The following TNFRSF11A variants were observed in gnomAD, a reference collection of about 807,000 sequenced individuals.
The protein encoded by TNFRSF11A is tumor necrosis factor receptor superfamily member 11A.
In TNFRSF11A, 32 loss-of-function variants were observed where a neutral mutation model predicts 55.7. The ratio of observed to expected loss-of-function variants is 0.57; its 90% CI spans 0.43 to 0.77. The LOEUF is 0.77. Ranked by LOEUF, TNFRSF11A falls within the 30% of genes least tolerant of loss-of-function variation. The probability of loss-of-function intolerance (pLI) is 0.00; values close to 1 mark genes in which losing one functional copy is unlikely to be tolerated. For missense variants in TNFRSF11A, 753 were observed against 809.8 expected, an observed-to-expected ratio of 0.93 and a Z score of 0.85; for synonymous variants, 311 against 331.0, an observed-to-expected ratio of 0.94 and a Z score of 0.65.
chr18:62,329,321 T>C (rs2046117993), intron 1 of TNFRSF11A, among the ~76,000 whole-genome samples: 1 of 152,208 alleles, frequency 6.6e-6, no homozygotes, highest in African/African-American at 2.4e-5. Context: ...GACTGCTGTC[T>C]CCTCACAGCA....
chr18:62,383,250 C>T lies in TNFRSF11A; in HGVS notation c.1568-1501C>T, dbSNP rs1170676553. On this transcript the variant is annotated intron_variant, in intron 9 of 9. Coordinates refer to ENST00000586569, the MANE Select transcript of TNFRSF11A (RefSeq NM_003839.4). The surrounding 1 kb of genome is among the most constrained non-coding windows in gnomAD (Gnocchi z 4.2). ...GGATTTGTTGCTCATACTTGAAATC[C>T]TTGTGTCTTCATGGGCTTTTCCTTG... 2.0e-5 allele frequency among the ~76,000 whole-genome samples: 3 copies of T among 152,156 alleles called. No homozygotes were observed. The highest frequency in any genetic ancestry group is 4.8e-5 in the African/African-American group (2 of 41,442).
intron 9 of TNFRSF11A, among the ~76,000 whole-genome samples, chr18:62,375,650 G>C (rs562465744): frequency 3.9e-5 from 6 of 152,230 alleles, no homozygotes; most frequent in Admixed American, 3.9e-4. Flanking sequence ...AATTCTATGG[G>C]ACAAGTTCCT....
chr18:62,344,521 A>G (rs1483464651), intron 1 of TNFRSF11A, among the ~76,000 whole-genome samples: 1 of 152,224 alleles, frequency 6.6e-6, no homozygotes, highest in African/African-American at 2.4e-5. Flanking sequence ...CCTTAAGAAC[A>G]CTTAAGCAGG....
chr18:62,355,744 G>A (rs190399785), intron 4 of TNFRSF11A, among the ~76,000 whole-genome samples: 3 of 152,284 alleles, frequency 2.0e-5, no homozygotes, highest in Admixed American at 1.3e-4. Flanking sequence ...TCCATAATGA[G>A]TGGGATTGTT....
chr18:62,354,401 G>A lies in TNFRSF11A; in HGVS notation c.294G>A (p.Leu98=), dbSNP rs1259170356. Residue 98 remains leucine (L), a synonymous_variant, in exon 4 of 10, where the codon CTG becomes CTA. Coordinates refer to ENST00000586569, the MANE Select transcript of TNFRSF11A (RefSeq NM_003839.4). ...TCTTGTCTCCCGCAGGCAAGGCCCT[G>A]GTGGCCGTGGTCGCCGGCAACAGCA... The part of the protein sequence containing the change: ...LHKVCDTGKA[L]VAVVAGNSTT... 6.3e-7 allele frequency: 1 copy of A among 1,582,686 alleles called. No individual in the cohort carries two copies. The highest frequency in any genetic ancestry group is 2.3e-5 in the East Asian group (1 of 44,252).
intron 9 of TNFRSF11A, among the ~76,000 whole-genome samples, chr18:62,382,531 T>A (rs959491485): frequency 2.0e-5 from 3 of 152,242 alleles, no homozygotes; most frequent in Non-Finnish European, 4.4e-5. Flanking sequence ...TTATTTCCTT[T>A]TCCTATTCTT....
chr18:62,363,492 C>G (rs1408974959), intron 7 of TNFRSF11A, among the ~76,000 whole-genome samples: 1 of 151,298 alleles, frequency 6.6e-6, no homozygotes, highest in Non-Finnish European at 1.5e-5. Flanking sequence ...CCTCAGCCTC[C>G]TGAGTACCTG....
At chr18:62,380,797 A>C (rs1911226367) in intron 9 of TNFRSF11A, among the ~76,000 whole-genome samples, 1 of 146,524 alleles carries the variant, frequency 6.8e-6, no homozygotes, top group African/African-American at 2.5e-5. Flanking sequence ...CCTTCCAAAA[A>C]TAATATTCTT....
In TNFRSF11A at chr18:62,391,162, G is replaced by A. The variant is rs904726703; in HGVS notation, c.*6128G>A. On this transcript the variant is annotated 3_prime_UTR_variant, in exon 10 of 10. Coordinates refer to ENST00000586569, the MANE Select transcript of TNFRSF11A (RefSeq NM_003839.4). ...CACATAATGTCCTTGAGATCCATCG[G>A]TGGGTACACCAGTAGTTCCATTTTT... 1 of 152,224 alleles carries A rather than the reference G, an allele frequency of 6.6e-6. No homozygotes were observed. Among genetic ancestry groups the A allele is most frequent in the African/African-American group, 2.4e-5 (1 of 41,434 alleles). The allele number at this position is 152,224 out of a possible 1,614,324, so 9.4% of individuals were successfully genotyped here. A position where few individuals can be genotyped will look rare whatever the true frequency, so the allele number is the denominator to read the frequency against.
At chr18:62,371,763 C>T (rs753357864) in intron 9 of TNFRSF11A, among the ~76,000 whole-genome samples, 5 of 152,224 alleles carry the variant, frequency 3.3e-5, no homozygotes, top group Non-Finnish European at 5.9e-5. Context: ...ATAGTACTTT[C>T]TCATTCTTGC....
intron 4 of TNFRSF11A, among the ~76,000 whole-genome samples, chr18:62,356,727 G>T (rs1422563883): frequency 1.3e-5 from 2 of 152,188 alleles, no homozygotes; most frequent in Non-Finnish European, 2.9e-5. Flanking sequence ...CATCCCCAAT[G>T]TCCACTTGTC....
chr18:62,346,963 A>G (rs1358663761), intron 1 of TNFRSF11A, among the ~76,000 whole-genome samples: 1 of 152,080 alleles, frequency 6.6e-6, no homozygotes. Flanking sequence ...AACTGCTCAT[A>G]TTGTCCAAAG....
intron 9 of TNFRSF11A, among the ~76,000 whole-genome samples, chr18:62,375,113 G>A (rs189538252): frequency 6.5e-4 from 97 of 148,432 alleles, no homozygotes; most frequent in East Asian, 6.1e-3. Context: ...ACTGAGTTTC[G>A]TCATGCTGCC....
intron 9 of TNFRSF11A, among the ~76,000 whole-genome samples, chr18:62,371,965 T>C (rs1414199772): frequency 6.8e-6 from 1 of 146,892 alleles, no homozygotes; most frequent in Non-Finnish European, 1.5e-5. Flanking sequence ...GATTTTTTGT[T>C]TGTTTTTACT....
chr18:62,360,058 A>T lies in TNFRSF11A; in HGVS notation c.616+9A>T. Reference sequence around the variant, plus strand: ...TAGAAAACCACCAAATGGTATGTTTAAAAAGAGCCTGTTGGTTGATAGATG... The same window carrying T: ...TAGAAAACCACCAAATGGTATGTTTTAAAAGAGCCTGTTGGTTGATAGATG... On this transcript the variant is annotated intron_variant, in intron 6 of 9. Transcript: ENST00000586569. The T allele has an allele frequency of 1.2e-6, 2 of 1,612,036 alleles. No individual in the cohort carries two copies. Among genetic ancestry groups the T allele is most frequent in the Non-Finnish European group, 8.5e-7 (1 of 1,178,182 alleles).
chr18:62,335,346 T>C (rs911078004), intron 1 of TNFRSF11A, among the ~76,000 whole-genome samples: 5 of 152,134 alleles, frequency 3.3e-5, no homozygotes, highest in African/African-American at 1.2e-4. Flanking sequence ...CCTCAGGTGA[T>C]CCACCTGCCT....
At chr18:62,344,158 A>G (rs1275627110) in intron 1 of TNFRSF11A, among the ~76,000 whole-genome samples, 1 of 152,254 alleles carries the variant, frequency 6.6e-6, no homozygotes, top group East Asian at 1.9e-4. Context: ...TTACCTGTGC[A>G]GAAGAGTGAC....
intron 1 of TNFRSF11A, among the ~76,000 whole-genome samples, chr18:62,329,933 C>A (rs1476463363): frequency 1.3e-5 from 2 of 152,190 alleles, no homozygotes; most frequent in African/African-American, 2.4e-5. Flanking sequence ...GAAGTACATT[C>A]TTTAGGGCCG....
At chr18:62,328,304 G>A (rs1243582122) in intron 1 of TNFRSF11A, among the ~76,000 whole-genome samples, 1 of 152,084 alleles carries the variant, frequency 6.6e-6, no homozygotes, top group Non-Finnish European at 1.5e-5. Flanking sequence ...GTCTTGGAAA[G>A]ATGTGTGGGA....
Sources: gnomAD v4.1 joint callset for allele counts (sites outside exome capture counted in the v4.1 genomes callset) on GRCh38, gnomAD v4.1.1 for gene constraint, Gnocchi (gnomAD v3.1) non-coding constraint, MANE v1.5 for transcripts, NCBI Gene and HGNC (gene_info 2026-07-23, HGNC 2026-07-21) for gene names.